The following RAB31 variants were observed in gnomAD, a reference collection of about 807,000 sequenced individuals.
RAB31 encodes RAB31, member RAS oncogene family, also known as ras-related protein Rab-31.
Under a neutral mutation model 25.6 loss-of-function variants are expected in RAB31, and 21 were observed. The ratio of observed to expected loss-of-function variants is 0.82; its 90% CI spans 0.58 to 1.18. The LOEUF is 1.18. RAB31 is among the 50% of genes most tolerant of loss of function. The pLI is 0.00. For synonymous variants in RAB31, 87 were observed against 84.0 expected (o/e 1.04, Z -0.20); for missense variants, 196 against 250.1 (o/e 0.78, Z 1.46).
At chr18:9,765,849 A>G (rs2068313125) in intron 1 of RAB31, among the ~76,000 whole-genome samples, 1 of 151,296 alleles carries the variant, frequency 6.6e-6, no homozygotes, top group African/African-American at 2.4e-5. Context: ...GCCAACTGAT[A>G]GAATACTTCA....
chr18:9,744,546 G>A (rs767664799), intron 1 of RAB31, among the ~76,000 whole-genome samples: 1 of 152,126 alleles, frequency 6.6e-6, no homozygotes, highest in Admixed American at 6.5e-5. Flanking sequence ...TATTTTTAAC[G>A]TAATATTTTA....
chr18:9,717,902 T>C (rs1477155293), intron 1 of RAB31, among the ~76,000 whole-genome samples: 1 of 152,218 alleles, frequency 6.6e-6, no homozygotes, highest in Admixed American at 6.5e-5. Context: ...ACTTTTTATT[T>C]ATTTTATTTA....
At chr18:9,772,197 G>A (rs574755614) in intron 1 of RAB31, among the ~76,000 whole-genome samples, 13 of 152,172 alleles carry the variant, frequency 8.5e-5, no homozygotes, top group African/African-American at 3.1e-4. Flanking sequence ...TTCCAAAGGG[G>A]TGCTTTTCAG....
chr18:9,782,893 T>G (rs2068412304), intron 2 of RAB31, among the ~76,000 whole-genome samples: 1 of 152,134 alleles, frequency 6.6e-6, no homozygotes, highest in Admixed American at 6.5e-5. Flanking sequence ...ATTAAATCTT[T>G]TTATTTTTGT....
intron 1 of RAB31, among the ~76,000 whole-genome samples, chr18:9,769,997 A>G (rs576383736): frequency 3.3e-5 from 5 of 152,332 alleles, no homozygotes; most frequent in Non-Finnish European, 7.3e-5. Flanking sequence ...ACGATTATTG[A>G]TTTGCATATG....
At chr18:9,739,964 T>C (rs1311256823) in intron 1 of RAB31, among the ~76,000 whole-genome samples, 1 of 152,258 alleles carries the variant, frequency 6.6e-6, no homozygotes. Flanking sequence ...ATGAGGACAC[T>C]GCCAGGCCAG....
At chr18:9,740,055 T>C (rs1447592469) in intron 1 of RAB31, among the ~76,000 whole-genome samples, 1 of 152,212 alleles carries the variant, frequency 6.6e-6, no homozygotes, top group Non-Finnish European at 1.5e-5. Flanking sequence ...CGAGAGGAGC[T>C]CTATGATTCT....
At chr18:9,821,324 C>T (rs1432688593) in intron 5 of RAB31, among the ~76,000 whole-genome samples, 1 of 152,080 alleles carries the variant, frequency 6.6e-6, no homozygotes, top group Non-Finnish European at 1.5e-5. Flanking sequence ...CCTATTTTTA[C>T]ACTTGCTATT....
intron 1 of RAB31, among the ~76,000 whole-genome samples, chr18:9,743,770 A>G (rs2068191774): frequency 6.6e-6 from 1 of 152,188 alleles, no homozygotes; most frequent in Admixed American, 6.5e-5. Context: ...CTTGCAGCCA[A>G]GTCTGTTTAT....
chr18:9,730,310 A>C (rs1204616077), intron 1 of RAB31, among the ~76,000 whole-genome samples: 1 of 146,956 alleles, frequency 6.8e-6, no homozygotes, highest in Admixed American at 6.9e-5. Context: ...TTTTTGACAC[A>C]GAGTCTTGCT....
chr18:9,814,048 G>T lies in RAB31; in HGVS notation c.230G>T (p.Arg77Leu). The change falls in exon 4 of 7, where the codon CGA (arginine) becomes CTA (leucine). Residue 77 changes from arginine to leucine, a missense_variant. By Grantham distance (102) the Arg-to-Leu change is moderately radical. Transcript: ENST00000578921. ...CATTCATTGGCTCCCATGTACTATC[G>T]AGGCTCAGCTGCAGCTGTTATCGTG... ...RFHSLAPMYY[R>L]GSAAAVIVYD... 6.3e-7 allele frequency: 1 copy of T among 1,595,234 alleles called. No individual in the cohort carries two copies. The highest frequency in any genetic ancestry group is 8.6e-7 in the Non-Finnish European group (1 of 1,168,396).
chr18:9,810,911 C>T (rs566319880), intron 3 of RAB31, among the ~76,000 whole-genome samples: 21 of 152,212 alleles, frequency 1.4e-4, no homozygotes, highest in African/African-American at 2.2e-4. Context: ...ACTTAATCTG[C>T]GGTCCTTACC....
At chr18:9,787,086 TA>T in intron 2 of RAB31, 1 of 213,968 alleles carries the variant, frequency 4.7e-6, no homozygotes. Context: ...TATTTCAAGC[TA>T]AAGGGAAAAT....
chr18:9,710,850 T>C (rs1176388217), intron 1 of RAB31, among the ~76,000 whole-genome samples: 2 of 151,574 alleles, frequency 1.3e-5, no homozygotes, highest in African/African-American at 4.8e-5. Context: ...AGAGTGAGAC[T>C]CTATCTCAAA....
chr18:9,772,199 G>A (rs1048598982), intron 1 of RAB31, among the ~76,000 whole-genome samples: 1 of 149,636 alleles, frequency 6.7e-6, no homozygotes, highest in Non-Finnish European at 1.5e-5. Flanking sequence ...CCAAAGGGGT[G>A]CTTTTCAGAC....
chr18:9,849,956 A>G (rs925387482), intron 6 of RAB31, among the ~76,000 whole-genome samples: 2 of 152,160 alleles, frequency 1.3e-5, no homozygotes, highest in Non-Finnish European at 2.9e-5. Flanking sequence ...AGAGTGTCCA[A>G]TTTACATTTA....
intron 2 of RAB31, chr18:9,785,386 A>C (rs536815948): frequency 1.3e-5 from 2 of 152,738 alleles, no homozygotes; most frequent in Admixed American, 6.5e-5. Context: ...CTGGTGCTGC[A>C]GCTCAAACAG....
chr18:9,708,567 C>T lies in RAB31; in HGVS notation c.39+123C>T. The T allele has an allele frequency of 1.2e-6, 1 of 864,248 alleles. No homozygotes were observed. Among genetic ancestry groups the T allele is most frequent in the Non-Finnish European group, 1.6e-6 (1 of 615,510 alleles). The allele number at this position is 864,248 out of a possible 1,614,324, so 53.5% of individuals were successfully genotyped here. The stretch of plus-strand genomic sequence containing the variant: ...GCTCTCCGCACCCCTCTCGTAGCCC[C>T]CGTCCCCCTCGTCCGCGCGCCCCCT... On this transcript the variant is annotated intron_variant, in intron 1 of 6. Coordinates refer to ENST00000578921, the MANE Select transcript of RAB31 (RefSeq NM_006868.4). The surrounding 1 kb of genome is among the most constrained non-coding windows in gnomAD (Gnocchi z 6.4).
intron 5 of RAB31, among the ~76,000 whole-genome samples, chr18:9,816,580 A>T (rs1225603053): frequency 6.6e-6 from 1 of 152,182 alleles, no homozygotes; most frequent in Non-Finnish European, 1.5e-5. Context: ...TTAGTTCTAA[A>T]ATCAGAATAC....
Sources: allele counts gnomAD v4.1 joint callset (sites outside exome capture counted in the v4.1 genomes callset), GRCh38; gene constraint gnomAD v4.1.1; non-coding constraint Gnocchi (gnomAD v3.1); transcripts MANE v1.5; gene names NCBI Gene and HGNC (gene_info 2026-07-23, HGNC 2026-07-21).